The following KATNIP variants were observed in gnomAD, a reference collection of about 807,000 sequenced individuals.
KATNIP encodes the protein katanin interacting protein.
In KATNIP, 126 loss-of-function variants were observed where a neutral mutation model predicts 174.0. The ratio of observed to expected loss-of-function variants is 0.72; its 90% CI spans 0.63 to 0.84. The LOEUF (loss-of-function observed/expected upper bound fraction) is 0.84, where lower values mean the gene tolerates loss of function less well. Ranked by LOEUF, KATNIP falls within the 40% of genes least tolerant of loss-of-function variation. KATNIP has a pLI of 0.00. For missense variants in KATNIP, 1,958 were observed against 2,109.7 expected, an observed-to-expected ratio of 0.93 and a Z score of 1.41; for synonymous variants, 810 against 835.7, an observed-to-expected ratio of 0.97 and a Z score of 0.53.
At chr16:27,738,393 C>T (rs1341194589) in intron 14 of KATNIP, among the ~76,000 whole-genome samples, 2 of 152,118 alleles carry the variant, frequency 1.3e-5, no homozygotes, top group Non-Finnish European at 2.9e-5. Context: ...ACTGATCAAG[C>T]TGTACCCGTT....
At chr16:27,719,309 C>T (rs928968214) in intron 13 of KATNIP, among the ~76,000 whole-genome samples, 2 of 152,174 alleles carry the variant, frequency 1.3e-5, no homozygotes, top group African/African-American at 4.8e-5. Flanking sequence ...GGCTCCTGAG[C>T]TGCCATGTCT....
chr16:27,620,740 G>C (rs1234970012), intron 3 of KATNIP, among the ~76,000 whole-genome samples: 1 of 145,804 alleles, frequency 6.9e-6, no homozygotes, highest in Non-Finnish European at 1.5e-5. Context: ...ACCCGAGAAG[G>C]GGGGATGTAA....
Position 27,777,979 on chromosome 16 carries a change from G to GT in KATNIP, c.4801+13dup. ...AGCGTTGTTGACCCAGGTCAGTGGC[G>GT]TTTCTCTGCCCAGAGCATTGTGCCT... On this transcript the variant is annotated intron_variant, in intron 27 of 27. Coordinates refer to ENST00000261588, the MANE Select transcript of KATNIP (RefSeq NM_015202.5). This position sits in a 1 kb window ranked among gnomAD's most constrained non-coding sequence, Gnocchi z 4.4. 1 of 1,612,670 alleles carries GT rather than the reference G, an allele frequency of 6.2e-7. No individual in the cohort carries two copies. The highest frequency in any genetic ancestry group is 8.5e-7 in the Non-Finnish European group (1 of 1,178,830).
chr16:27,582,141 T>G (rs1277578063), intron 2 of KATNIP, among the ~76,000 whole-genome samples: 1 of 152,176 alleles, frequency 6.6e-6, no homozygotes, highest in Non-Finnish European at 1.5e-5. Flanking sequence ...TTTCTGTGAG[T>G]TTCAGACTCC....
chr16:27,612,883 G>C (rs1231697106), intron 2 of KATNIP, among the ~76,000 whole-genome samples: 1 of 152,134 alleles, frequency 6.6e-6, no homozygotes, highest in African/African-American at 2.4e-5. Context: ...GCTGAAGTGG[G>C]AGGATCAGTT....
At chr16:27,727,493 T>G (rs2080495407) in intron 14 of KATNIP, 1 of 152,368 alleles carries the variant, frequency 6.6e-6, no homozygotes, top group African/African-American at 2.4e-5. Context: ...AAAAGACTAC[T>G]CTGGTTGATT....
chr16:27,738,308 C>T lies in KATNIP; in HGVS notation c.1744-1733C>T, dbSNP rs1209276610. Among the ~76,000 whole-genome samples, 10 of 152,134 alleles carry T rather than the reference C, an allele frequency of 6.6e-5. 1 individual carries two copies. The highest frequency in any genetic ancestry group is 9.6e-5 in the African/African-American group (4 of 41,500). On this transcript the variant is annotated intron_variant, in intron 14 of 27. Transcript: ENST00000261588. Reference sequence around the variant, plus strand: ...GGGAGACAGGGGTTACCAAGGGGCACGAGGAAACCTTAGGGTGATAGGTAC... The same window carrying T: ...GGGAGACAGGGGTTACCAAGGGGCATGAGGAAACCTTAGGGTGATAGGTAC...
chr16:27,713,836 A>C (rs1162684586), intron 13 of KATNIP, among the ~76,000 whole-genome samples: 1 of 76,774 alleles, frequency 1.3e-5, no homozygotes, highest in Non-Finnish European at 2.5e-5. Context: ...ATATATATAT[A>C]TATATATATA....
At chr16:27,641,340 G>A (rs1432602452) in intron 5 of KATNIP, among the ~76,000 whole-genome samples, 2 of 151,994 alleles carry the variant, frequency 1.3e-5, no homozygotes, top group East Asian at 3.9e-4. Flanking sequence ...TGCCCCATGT[G>A]GTACCAAGAC....
At chr16:27,600,732 C>G (rs1567479145) in intron 2 of KATNIP, among the ~76,000 whole-genome samples, 3 of 142,396 alleles carry the variant, frequency 2.1e-5, no homozygotes, top group African/African-American at 7.7e-5. Flanking sequence ...GCTGCCTCCT[C>G]TTTTTTTTTT....
intron 2 of KATNIP, among the ~76,000 whole-genome samples, chr16:27,579,817 A>G (rs942861360): frequency 6.6e-6 from 1 of 152,010 alleles, no homozygotes; most frequent in African/African-American, 2.4e-5. Context: ...AACTCACCCA[A>G]CTAGAAAATG....
chr16:27,563,158 A>G (rs1300036078), intron 1 of KATNIP, among the ~76,000 whole-genome samples: 2 of 152,216 alleles, frequency 1.3e-5, no homozygotes, highest in African/African-American at 4.8e-5. Context: ...AAACATATTA[A>G]TAAGAAAATG....
At chr16:27,629,069 G>A (rs1567227674) in intron 4 of KATNIP, among the ~76,000 whole-genome samples, 1 of 151,586 alleles carries the variant, frequency 6.6e-6, no homozygotes, top group Non-Finnish European at 1.5e-5. Context: ...TGAGGAGGCC[G>A]AGGCACAAGA....
chr16:27,659,902 C>A, intron 6 of KATNIP: 1 of 485,936 alleles, frequency 2.1e-6, no homozygotes, highest in Non-Finnish European at 2.7e-6. Context: ...TTGACTTGGA[C>A]TTAGAAAACT....
At chr16:27,605,189 T>C (rs1030080535) in intron 2 of KATNIP, among the ~76,000 whole-genome samples, 1 of 152,220 alleles carries the variant, frequency 6.6e-6, no homozygotes, top group African/African-American at 2.4e-5. Flanking sequence ...CACCTTGGCC[T>C]CCCAAAGTGC....
intron 2 of KATNIP, among the ~76,000 whole-genome samples, chr16:27,594,367 T>C (rs1166790282): frequency 2.0e-5 from 3 of 152,010 alleles, no homozygotes; most frequent in Non-Finnish European, 4.4e-5. Flanking sequence ...ATGGTTTTGG[T>C]TGTGGTGTCC....
rs765831130 is a variant in KATNIP, at chr16:27,777,801, C to T, written c.4712+31C>T. 8.1e-6 allele frequency: 13 copies of T among 1,612,578 alleles called. No homozygotes were observed. The highest frequency in any genetic ancestry group is 2.7e-5 in the African/African-American group (2 of 74,924). On this transcript the variant is annotated intron_variant, in intron 26 of 27. Transcript: ENST00000261588. The surrounding 1 kb of genome is among the most constrained non-coding windows in gnomAD (Gnocchi z 4.4). ...GCCCCAGCCGGCCCCATGGCCTCCC[C>T]ACCAGCCCTAAGGAGGATGGATGGC...
chr16:27,651,364 G>GT (rs1313225595), intron 6 of KATNIP, among the ~76,000 whole-genome samples: 1 of 152,030 alleles, frequency 6.6e-6, no homozygotes, highest in South Asian at 2.1e-4. Flanking sequence ...CCTGCAAAGT[G>GT]TAAGAGTAAA....
At chr16:27,731,624 C>CTT (rs60258468) in intron 14 of KATNIP, among the ~76,000 whole-genome samples, 1 of 143,810 alleles carries the variant, frequency 7.0e-6, no homozygotes, top group Non-Finnish European at 1.5e-5. Flanking sequence ...TTTTTCTTTT[C>CTT]TTTTTTTTTT....
Sources: allele counts gnomAD v4.1 joint callset (sites outside exome capture counted in the v4.1 genomes callset), GRCh38; gene constraint gnomAD v4.1.1; non-coding constraint Gnocchi (gnomAD v3.1); transcripts MANE v1.5; gene names NCBI Gene and HGNC (gene_info 2026-07-23, HGNC 2026-07-21).